POTEJ: variants seen among roughly 807,000 people sequenced by gnomAD.
POTEJ encodes the protein POTE ankyrin domain family, member J.
POTEJ carries 11 observed loss-of-function variants against 69.0 expected under a neutral mutation model. That is an observed-to-expected ratio of 0.16 (90% CI 0.10 to 0.26). The LOEUF (loss-of-function observed/expected upper bound fraction) is 0.26, where lower values mean the gene tolerates loss of function less well. Among genes scored for constraint, POTEJ ranks in the 10% least tolerant of loss-of-function variants. The pLI is 1.00. For synonymous variants in POTEJ, 117 were observed against 381.1 expected, an observed-to-expected ratio of 0.31 and a Z score of 8.07; for missense variants, 327 against 1,045.5, an observed-to-expected ratio of 0.31 and a Z score of 9.48.
At chr2:130,639,213 G>C (rs1686235968) in intron 10 of POTEJ, among the ~76,000 whole-genome samples, 1 of 152,310 alleles carries the variant, frequency 6.6e-6, no homozygotes, top group African/African-American at 2.4e-5. Flanking sequence ...CCGTGGACTG[G>C]TACCAGTCTG....
At chr2:130,655,255 G>T (rs1407790879) in intron 14 of POTEJ, among the ~76,000 whole-genome samples, 1 of 152,194 alleles carries the variant, frequency 6.6e-6, no homozygotes, top group South Asian at 2.1e-4. Flanking sequence ...CTGCACAATG[G>T]CCTCAATCCA....
intron 9 of POTEJ, among the ~76,000 whole-genome samples, chr2:130,636,455 T>A (rs1316924139): frequency 6.9e-6 from 1 of 145,228 alleles, no homozygotes; most frequent in Non-Finnish European, 1.5e-5. Context: ...GTCTTTGATA[T>A]ACAAATAAAA....
intron 10 of POTEJ, among the ~76,000 whole-genome samples, chr2:130,641,157 A>G (rs1299457570): frequency 4.5e-3 from 678 of 150,640 alleles, no homozygotes; most frequent in African/African-American, 0.016. Context: ...TTACAAAACC[A>G]TAATGCAGAT....
intron 1 of POTEJ, among the ~76,000 whole-genome samples, chr2:130,613,691 G>A (rs1376416132): frequency 2.2e-5 from 3 of 136,696 alleles, no homozygotes; most frequent in African/African-American, 3.1e-5. Flanking sequence ...GTGAGCCACC[G>A]TGCCTGGTGT....
At chr2:130,637,417 C>A (rs1175826021) in intron 9 of POTEJ, among the ~76,000 whole-genome samples, 1 of 150,014 alleles carries the variant, frequency 6.7e-6, no homozygotes, top group Non-Finnish European at 1.5e-5. Flanking sequence ...ATGCATTTCT[C>A]CTGCCTCAGC....
intron 7 of POTEJ, among the ~76,000 whole-genome samples, chr2:130,630,987 C>G (rs1332454433): frequency 2.8e-5 from 4 of 143,908 alleles, no homozygotes; most frequent in African/African-American, 5.5e-5. Flanking sequence ...TGTAGGGGCT[C>G]ACTTGTTAGG....
At chr2:130,639,296 T>G (rs1295066869) in intron 10 of POTEJ, among the ~76,000 whole-genome samples, 1 of 152,312 alleles carries the variant, frequency 6.6e-6, no homozygotes, top group Non-Finnish European at 1.5e-5. Context: ...AAGGAATTTT[T>G]GTTCACAAAA....
Position 130,623,026 on chromosome 2 carries a change from CA to C in POTEJ, c.945-1035del, listed in dbSNP as rs1685591658. On this transcript the variant is annotated intron_variant, in intron 5 of 14. Transcript: ENST00000409602. The stretch of plus-strand genomic sequence containing the variant: ...GAATCAAAGCAAAATGGGTGCCACC[CA>C]AATATTGAAATTGTGATTTCTGCTG... 3 of 144,094 alleles carry C rather than the reference CA, an allele frequency of 2.1e-5. No homozygotes were observed. The East Asian group carries it at 5.8e-4, about 28-fold the overall frequency. 8.9% of individuals were successfully genotyped at this position (144,094 alleles called of 1,614,324 possible). A position where few individuals can be genotyped will look rare whatever the true frequency, so the allele number is the denominator to read the frequency against.
chr2:130,613,291 TATATATAC>T (rs1685293179), intron 1 of POTEJ, among the ~76,000 whole-genome samples: 1 of 99,816 alleles, frequency 1.0e-5, no homozygotes, highest in Non-Finnish European at 2.2e-5. Flanking sequence ...TATATATACA[TATATATAC>T]ATATGTATAT....
At chr2:130,640,728 C>A (rs1340481857) in intron 10 of POTEJ, among the ~76,000 whole-genome samples, 2 of 152,124 alleles carry the variant, frequency 1.3e-5, no homozygotes, top group Non-Finnish European at 2.9e-5. Context: ...ATACCACATG[C>A]TCATTCCCAA....
At chr2:130,643,549 T>C (rs1439710661) in intron 10 of POTEJ, among the ~76,000 whole-genome samples, 2 of 143,746 alleles carry the variant, frequency 1.4e-5, no homozygotes, top group African/African-American at 5.1e-5. Flanking sequence ...AGAAAATAAA[T>C]TTGTCAGAAT....
rs369601422 is a variant in POTEJ, at chr2:130,656,774, G to A, written c.2014G>A (p.Val672Ile). ...LTMDDDTAVL[V>I]IDNGSGMCKA... ...CATGGATGATGATACCGCTGTGCTCGTCATTGACAACGGCTCTGGCATGTG... is the reference window on the plus strand; with the variant it reads ...CATGGATGATGATACCGCTGTGCTCATCATTGACAACGGCTCTGGCATGTG... The change falls in exon 15 of 15, where the codon GTC (valine) becomes ATC (isoleucine). Residue 672 changes from valine (V) to isoleucine (I), a missense_variant. By Grantham distance (29) the Val-to-Ile change is conservative. Coordinates refer to ENST00000409602, the MANE Select transcript of POTEJ (RefSeq NM_001277083.2). The A allele has an allele frequency of 1.2e-4, 198 of 1,610,020 alleles. No homozygotes were observed. The South Asian group carries it at 1.4e-3, about 11-fold the overall frequency.
intron 10 of POTEJ, among the ~76,000 whole-genome samples, chr2:130,641,156 CA>C (rs1686355652): frequency 6.6e-6 from 1 of 152,044 alleles, no homozygotes; most frequent in African/African-American, 2.4e-5. Flanking sequence ...TTTACAAAAC[CA>C]TAATGCAGAT....
intron 9 of POTEJ, among the ~76,000 whole-genome samples, chr2:130,636,655 A>G (rs1299245116): frequency 1.3e-5 from 2 of 148,338 alleles, no homozygotes; most frequent in African/African-American, 4.9e-5. Flanking sequence ...ACTGTCATGA[A>G]TAGGGTTTTT....
At position 130,656,603 on chromosome 2, in the gene POTEJ, C is replaced by A. The variant is rs62165276; in HGVS notation, c.1843C>A (p.Arg615=). Residue 615 remains arginine, a synonymous_variant, in exon 15 of 15, where the codon CGG becomes AGG. Coordinates refer to ENST00000409602, the MANE Select transcript of POTEJ (RefSeq NM_001277083.2). ...RDFLHENSML[R]EEIAMLRLEL... ...CTTCTTGCATGAAAATAGTATGTTG[C>A]GGGAAGAAATTGCCATGCTAAGACT... is the stretch of plus-strand genomic sequence containing the variant. The A allele has an allele frequency of 1.9e-6, 3 of 1,606,812 alleles. No homozygotes were observed. The highest frequency in any genetic ancestry group is 4.5e-5 in the East Asian group (2 of 44,856).
intron 9 of POTEJ, among the ~76,000 whole-genome samples, chr2:130,634,961 A>C (rs1409292445): frequency 2.0e-5 from 3 of 152,144 alleles, no homozygotes; most frequent in Non-Finnish European, 4.4e-5. Flanking sequence ...ATTTTATTTA[A>C]TCTGTCAGCA....
chr2:130,640,837 C>T (rs1240528407), intron 10 of POTEJ, among the ~76,000 whole-genome samples: 1 of 152,212 alleles, frequency 6.6e-6, no homozygotes, highest in African/African-American at 2.4e-5. Context: ...TCCCAATAGA[C>T]TTATGTTTTT....
chr2:130,656,606 G>C lies in POTEJ; in HGVS notation c.1846G>C (p.Glu616Gln), dbSNP rs1285875557. The C allele has an allele frequency of 6.2e-7, 1 of 1,609,542 alleles. No homozygotes were observed. Among genetic ancestry groups the C allele is most frequent in the African/African-American group, 1.4e-5 (1 of 72,542 alleles). ...DFLHENSMLR[E>Q]EIAMLRLELD... is the part of the protein sequence containing the mutation. ...CTTGCATGAAAATAGTATGTTGCGG[G>C]AAGAAATTGCCATGCTAAGACTGGA... Residue 616 changes from glutamate (E) to glutamine (Q), a missense_variant, in exon 15 of 15, where the codon GAA becomes CAA. By Grantham distance (29) the Glu-to-Gln change is conservative. Transcript: ENST00000409602.
rs562261063 is a variant in POTEJ, at chr2:130,648,098, T to G, written c.1667+1788T>G. 8.8e-5 allele frequency among the ~76,000 whole-genome samples: 13 copies of G among 148,174 alleles called. No homozygotes were observed. The South Asian group carries it at 2.7e-3, about 31-fold the overall frequency. ...TGTCAACTGTCCTAGAATTGGCTGA[T>G]TTTTATCAAGCAAGAAATATTCTCC... On this transcript the variant is annotated intron_variant, in intron 13 of 14. Transcript: ENST00000409602.
Sources: allele counts gnomAD v4.1 joint callset (sites outside exome capture counted in the v4.1 genomes callset), GRCh38; gene constraint gnomAD v4.1.1; transcripts MANE v1.5; gene names NCBI Gene and HGNC (gene_info 2026-07-23, HGNC 2026-07-21).